Variants in NLGN4X observed in about 807,000 individuals in gnomAD.
NLGN4X encodes neuroligin 4 X-linked.
Under a neutral mutation model 40.3 loss-of-function variants are expected in NLGN4X, and 3 were observed. The observed-to-expected ratio is 0.07, with a 90% CI of 0.03 to 0.19. The LOEUF is 0.19. Ranked by LOEUF, NLGN4X falls within the 10% of genes least tolerant of loss-of-function variation. The pLI is 1.00. For missense variants in NLGN4X, 382 were observed against 708.3 expected (o/e 0.54, Z 5.23); for synonymous variants, 270 against 306.8 (o/e 0.88, Z 1.25).
chrX:6,175,223 A>G (rs1258512787), intron 1 of NLGN4X, among the ~76,000 whole-genome samples: 1 of 111,671 alleles, frequency 9.0e-6, no homozygotes, highest in East Asian at 2.8e-4. Flanking sequence ...CACAGCAGCA[A>G]TACAATCACT....
At chrX:6,198,320 G>T (rs958683121) in intron 1 of NLGN4X, among the ~76,000 whole-genome samples, 45 of 111,558 alleles carry the variant, frequency 4.0e-4, no homozygotes, top group Non-Finnish European at 7.1e-4. Flanking sequence ...CAGTCAAGAA[G>T]ACACCTAGGA....
At chrX:6,179,128 A>AAGGAAGGAAGGAAGGAAGG in intron 1 of NLGN4X, among the ~76,000 whole-genome samples, 1 of 109,418 alleles carries the variant, frequency 9.1e-6, no homozygotes, top group African/African-American at 3.4e-5. Context: ...GGAAGGAAGG[A>AAGGAAGGAAGGAAGGAAGG]ATTCTAAGCA....
chrX:5,900,945 TA>T (rs1484990066), intron 5 of NLGN4X, among the ~76,000 whole-genome samples: 6 of 111,341 alleles, frequency 5.4e-5, no homozygotes, highest in African/African-American at 2.0e-4. Context: ...AGGTTTACTT[TA>T]AAAAAAGTAT....
chrX:5,918,449 T>C (rs369912083), intron 3 of NLGN4X, among the ~76,000 whole-genome samples: 20 of 111,855 alleles, frequency 1.8e-4, no homozygotes, highest in Non-Finnish European at 3.6e-4. Flanking sequence ...GCAAAGTAAA[T>C]ATGACAGCAC....
At chrX:6,184,242 T>C (rs1342897034) in intron 1 of NLGN4X, among the ~76,000 whole-genome samples, 1 of 112,192 alleles carries the variant, frequency 8.9e-6, no homozygotes, top group Non-Finnish European at 1.9e-5. Context: ...AAGACACATA[T>C]CACTGGACAC....
chrX:6,043,388 T>A (rs1317347987), intron 2 of NLGN4X, among the ~76,000 whole-genome samples: 1 of 111,444 alleles, frequency 9.0e-6, no homozygotes, highest in Non-Finnish European at 1.9e-5. Flanking sequence ...ATATATGTAA[T>A]ATACATTTTC....
intron 3 of NLGN4X, among the ~76,000 whole-genome samples, chrX:5,935,059 G>A (rs960122122): frequency 1.1e-4 from 12 of 111,708 alleles, no homozygotes; most frequent in Non-Finnish European, 1.9e-4. Flanking sequence ...TAAAACCAGG[G>A]AAGCTCAACA....
At chrX:6,034,259 G>C (rs757615764) in intron 2 of NLGN4X, among the ~76,000 whole-genome samples, 24 of 111,736 alleles carry the variant, frequency 2.1e-4, no homozygotes, top group Non-Finnish European at 4.0e-4. Context: ...TTTGTGTCTG[G>C]TTTCTTTTAC....
chrX:6,011,385 A>G (rs201467031), intron 3 of NLGN4X, among the ~76,000 whole-genome samples: 1 of 102,084 alleles, frequency 9.8e-6, no homozygotes, highest in Admixed American at 1.1e-4. Context: ...ATATATATAT[A>G]TATGTATACA....
chrX:6,002,831 C>T (rs191835032), intron 3 of NLGN4X, among the ~76,000 whole-genome samples: 2 of 111,911 alleles, frequency 1.8e-5, no homozygotes, highest in East Asian at 2.8e-4. Context: ...AGCTGGACAT[C>T]GGAAATTATA....
chrX:6,192,034 G>A (rs1267575014), intron 1 of NLGN4X, among the ~76,000 whole-genome samples: 1 of 111,645 alleles, frequency 9.0e-6, no homozygotes, highest in Non-Finnish European at 1.9e-5. Context: ...CATCCAATGG[G>A]ACTCTCACCC....
At chrX:6,021,044 CTCT>C (rs2036527422) in intron 3 of NLGN4X, among the ~76,000 whole-genome samples, 1 of 20,670 alleles carries the variant, frequency 4.8e-5, no homozygotes. Flanking sequence ...CTCTCTCTCT[CTCT>C]CCCTCCCTCC....
At chrX:6,160,535 T>A (rs1298038208) in intron 1 of NLGN4X, among the ~76,000 whole-genome samples, 1 of 52,026 alleles carries the variant, frequency 1.9e-5, no homozygotes, top group East Asian at 3.5e-4. Context: ...TATAAAATAA[T>A]TTTTTTTTTT....
rs372170264 is a variant in NLGN4X at position 6,118,107 on chromosome X, G to A, written c.472+32888C>T. The stretch of plus-strand genomic sequence containing the variant: ...TTCTCATACAAGTGCACACATGCAC[G>A]CTGCTTCTTTCCTCTTCCTCACTGT... On this transcript the variant is annotated intron_variant, in intron 2 of 5. Coordinates refer to ENST00000381095, the MANE Select transcript of NLGN4X (RefSeq NM_181332.3). Among the ~76,000 whole-genome samples the A allele has an allele frequency of 7.3e-5, 8 of 109,239 alleles. No individual in the cohort carries two copies. The East Asian group carries it at 1.7e-3, about 24-fold the overall frequency. The allele number at this position is 109,239 out of a possible 115,157, so 94.9% of individuals were successfully genotyped here. A position where few individuals can be genotyped will look rare whatever the true frequency, so the allele number is the denominator to read the frequency against.
At chrX:6,083,021 A>G (rs1196115857) in intron 2 of NLGN4X, among the ~76,000 whole-genome samples, 5 of 91,424 alleles carry the variant, frequency 5.5e-5, no homozygotes, top group Non-Finnish European at 1.0e-4. Context: ...GCGGTGGCGC[A>G]ATCTCGGCTC....
intron 2 of NLGN4X, among the ~76,000 whole-genome samples, chrX:6,053,923 G>A (rs2037554462): frequency 8.9e-6 from 1 of 111,972 alleles, no homozygotes. Context: ...ATTCTGGTAG[G>A]TCCTTTCTTT....
chrX:6,156,425 C>T (rs12007746), intron 1 of NLGN4X, among the ~76,000 whole-genome samples: 28,055 of 110,500 alleles, frequency 0.25, 2,637 homozygotes, highest in Admixed American at 0.29. Context: ...AGGAGAATAG[C>T]GTGAACCCAG....
At chrX:6,124,583 G>A (rs895656448) in intron 2 of NLGN4X, among the ~76,000 whole-genome samples, 2 of 111,545 alleles carry the variant, frequency 1.8e-5, no homozygotes, top group African/African-American at 3.3e-5. Context: ...TTGGAAGGCT[G>A]AGGCAGGAGA....
At chrX:5,915,510 C>G (rs948794836) in intron 3 of NLGN4X, among the ~76,000 whole-genome samples, 2 of 111,882 alleles carry the variant, frequency 1.8e-5, no homozygotes, top group Admixed American at 9.5e-5. Context: ...GAATAGCCAG[C>G]CTGGAAACAA....
Sources: gnomAD v4.1 joint callset for allele counts (sites outside exome capture counted in the v4.1 genomes callset) on GRCh38, gnomAD v4.1.1 for gene constraint, MANE v1.5 for transcripts, NCBI Gene and HGNC (gene_info 2026-07-23, HGNC 2026-07-21) for gene names.